The following RNF213 variants were observed in gnomAD, a reference collection of about 807,000 sequenced individuals.
RNF213 encodes the protein E3 ubiquitin-protein ligase RNF213.
Under a neutral mutation model 514.4 loss-of-function variants are expected in RNF213, and 341 were observed. The observed-to-expected ratio is 0.66, with a 90% CI of 0.61 to 0.73. RNF213 has a LOEUF of 0.73. Among genes scored for constraint, RNF213 ranks in the 30% least tolerant of loss-of-function variants. The pLI, the probability that RNF213 is intolerant of heterozygous loss-of-function variation, is 0.00. For missense variants in RNF213, 5,767 were observed against 6,615.6 expected, an observed-to-expected ratio of 0.87 and a Z score of 4.45; for synonymous variants, 2,655 against 2,658.2, an observed-to-expected ratio of 1.00 and a Z score of 0.04.
Position 80,278,896 on chromosome 17 carries a change from G to A in RNF213, c.261+5492G>A, listed in dbSNP as rs150801820. ...GCTTGAGGCCGCCAGCGTGCCTTCT[G>A]CAGACTGTGAGCAGGTAGTCCGAGT... On this transcript the variant is annotated intron_variant, in intron 3 of 67. Transcript: ENST00000582970. 381 of 1,537,158 alleles carry A rather than the reference G, an allele frequency of 2.5e-4. 1 individual carries two copies. The East Asian group carries it at 9.1e-3, about 37-fold the overall frequency.
rs995384130 is a variant in RNF213, at chr17:80,290,791, A to G, written c.1271+63A>G. ...GAAGGCATAGGATGCCCAGCCTGTG[A>G]CACGTAGTTTAAAAAAATTTTGTTT... On this transcript the variant is annotated intron_variant, in intron 7 of 67. Coordinates refer to ENST00000582970, the MANE Select transcript of RNF213 (RefSeq NM_001256071.3). 9 of 1,583,264 alleles carry G rather than the reference A, an allele frequency of 5.7e-6. No individual in the cohort carries two copies. In the African/African-American group the frequency reaches 1.2e-4, roughly 21 times the overall value.
At position 80,385,663 on chromosome 17, in the gene RNF213, GCCT is replaced by G. The variant is rs908306971; in HGVS notation, c.14539+44_14539+46del. 3 of 1,546,068 alleles carry G rather than the reference GCCT, an allele frequency of 1.9e-6. No individual in the cohort carries two copies. In the African/African-American group the frequency reaches 4.1e-5, roughly 21 times the overall value. On this transcript the variant is annotated intron_variant, in intron 61 of 67. Coordinates refer to ENST00000582970, the MANE Select transcript of RNF213 (RefSeq NM_001256071.3). ...CTGTACCACTAAGCGTTCCAGGAGA[GCCT>G]CGTCTGAAAGCTCTTCTCGTCAGCC...
At chr17:80,295,855 A>G in intron 10 of RNF213, 42 bp downstream of exon 10, 1 of 1,608,250 alleles carries the variant, frequency 6.2e-7, no homozygotes, top group East Asian at 2.2e-5. Flanking sequence ...TAGCTATTAT[A>G]ATGATTTTCT....
At chr17:80,304,406 C>T (rs377712934) in intron 11 of RNF213, among the ~76,000 whole-genome samples, 45 of 152,082 alleles carry the variant, frequency 3.0e-4, no homozygotes, top group South Asian at 1.0e-3. Context: ...TTTGGGAGGC[C>T]AAGGCAGGTG....
At chr17:80,376,751 CA>C in intron 52 of RNF213, 130 bp from the exon 53 acceptor site, 1 of 1,116,960 alleles carries the variant, frequency 9.0e-7, no homozygotes. Flanking sequence ...CTGTTTTCTT[CA>C]CAGACAGCTT....
Position 80,369,544 on chromosome 17 carries a change from C to T in RNF213, c.12198C>T (p.Asn4066=), listed in dbSNP as rs994706354. 6.2e-7 allele frequency: 1 copy of T among 1,614,118 alleles called. No homozygotes were observed. The highest frequency in any genetic ancestry group is 8.5e-7 in the Non-Finnish European group (1 of 1,180,026). The change falls in exon 45 of 68, where the codon AAC becomes AAT. Residue 4066 remains asparagine, a synonymous_variant. Transcript: ENST00000582970. ...ATGCCCGCTTCCGGCAGATGTGCAA[C>T]AGTTTCTTCGTAGACCTGGTGTCCA... ...EKHARFRQMC[N]SFFVDLVSTI...
rs765084250 is a variant in RNF213 at position 80,358,316 on chromosome 17, G to A, written c.10891G>A (p.Ala3631Thr). The A allele has an allele frequency of 6.2e-7, 1 of 1,614,098 alleles. No homozygotes were observed. The highest frequency in any genetic ancestry group is 1.1e-5 in the South Asian group (1 of 91,074). The change falls in exon 37 of 68, where the codon GCT (alanine) becomes ACT (threonine). Residue 3631 changes from alanine to threonine, a missense_variant. Around this residue, in one of 13 missense-constraint regions of RNF213, gnomAD observed 919 missense variants for 1,121.0 expected, o/e 0.82. Coordinates refer to ENST00000582970, the MANE Select transcript of RNF213 (RefSeq NM_001256071.3). ...RHTLWKRVQG[A>T]VTPLLASMIS... ...CACCCTCTGGAAGCGGGTCCAAGGTGCTGTCACCCCTCTGCTGGCGAGCAT... is the reference window on the plus strand; with the variant it reads ...CACCCTCTGGAAGCGGGTCCAAGGTACTGTCACCCCTCTGCTGGCGAGCAT...
intron 32 of RNF213, chr17:80,352,086 C>T (rs1568115811): frequency 2.6e-5 from 8 of 305,488 alleles, no homozygotes; most frequent in Non-Finnish European, 1.9e-5. Context: ...ATCCGTTGAC[C>T]TCATGATCCG....
rs764112639 is a variant in RNF213 at position 80,291,706 on chromosome 17, C to T, written c.1350C>T (p.Tyr450=). The change falls in exon 8 of 68, where the codon TAC becomes TAT. Residue 450 remains tyrosine (Y), a synonymous_variant. Transcript: ENST00000582970. Reference sequence around the variant, plus strand: ...AGCACCTAGATAAATACATTCCTTACAAGTACGTCATTTATAATGGGGAAT... The same window carrying T: ...AGCACCTAGATAAATACATTCCTTATAAGTACGTCATTTATAATGGGGAAT... ...SKKHLDKYIP[Y]KYVIYNGESF... is the part of the protein sequence containing the mutation. 1.9e-6 allele frequency: 3 copies of T among 1,614,192 alleles called. No individual in the cohort carries two copies. The highest frequency in any genetic ancestry group is 2.2e-5 in the East Asian group (1 of 44,878).
At chr17:80,376,270 A>G in intron 51 of RNF213, 31 bp from the exon 52 acceptor site, 1 of 1,612,840 alleles carries the variant, frequency 6.2e-7, no homozygotes, top group Non-Finnish European at 8.5e-7. Flanking sequence ...ATTCTTTGAT[A>G]CATCTTAATG....
At chr17:80,335,395 C>T (rs541918121) in intron 22 of RNF213, among the ~76,000 whole-genome samples, 3 of 152,284 alleles carry the variant, frequency 2.0e-5, no homozygotes, top group Non-Finnish European at 4.4e-5. Flanking sequence ...GGGGCCACCA[C>T]CTGCTGGATC....
chr17:80,360,401 C>A, intron 38 of RNF213, 195 bp downstream of exon 38: 1 of 655,020 alleles, frequency 1.5e-6, no homozygotes, highest in Non-Finnish European at 2.7e-6. Flanking sequence ...GAGTGAGAGG[C>A]CCCGGCGGGA....
Position 80,317,232 on chromosome 17 carries a change from C to G in RNF213, c.2856C>G (p.Gly952=), listed in dbSNP as rs373055730. ...LVEIQFPAEH[G]WKESLLGDME... is the part of the protein sequence containing the mutation. ...AAATCCAATTCCCCGCGGAGCATGG[C>G]TGGAAGGAGTCGTTGCTGGGAGACA... is the stretch of plus-strand genomic sequence containing the variant. The change falls in exon 16 of 68, where the codon GGC becomes GGG. Residue 952 remains glycine, a synonymous_variant. Coordinates refer to ENST00000582970, the MANE Select transcript of RNF213 (RefSeq NM_001256071.3). This position sits in a 1 kb window ranked among gnomAD's most constrained non-coding sequence, Gnocchi z 4.1. The G allele has an allele frequency of 2.5e-6, 4 of 1,612,752 alleles. No homozygotes were observed. The highest frequency in any genetic ancestry group is 3.4e-6 in the Non-Finnish European group (4 of 1,179,860).
chr17:80,381,472 A>G (rs1423843600), intron 56 of RNF213, 75 bp from the exon 57 acceptor site: 13 of 1,491,618 alleles, frequency 8.7e-6, no homozygotes, highest in South Asian at 1.1e-5. Context: ...TCCACTCCCA[A>G]TGGCCTCTAC....
rs1464583956 is a variant in RNF213, at chr17:80,332,553, A to G, written c.4065A>G (p.Ala1355=). Residue 1355 remains alanine (A), a synonymous_variant, in exon 21 of 68, where the codon GCA becomes GCG. Transcript: ENST00000582970. ...ATCACCTGCACCAGGCTGTCCACGC[A>G]GCCAAGGTCATCTTGCAGGTCAAAG... ...EYHHLHQAVH[A]AKVILQVKES... 1 of 1,535,114 alleles carries G rather than the reference A, an allele frequency of 6.5e-7. No individual in the cohort carries two copies. Among genetic ancestry groups the G allele is most frequent in the African/African-American group, 1.4e-5 (1 of 72,962 alleles).
chr17:80,280,175 C>T (rs2044209414), intron 3 of RNF213, among the ~76,000 whole-genome samples: 1 of 152,202 alleles, frequency 6.6e-6, no homozygotes, highest in Admixed American at 6.5e-5. Context: ...CTGGACTTAG[C>T]CAGACCTAAG....
chr17:80,281,481 C>T (rs1308712834), intron 3 of RNF213, among the ~76,000 whole-genome samples: 5 of 125,990 alleles, frequency 4.0e-5, no homozygotes, highest in Admixed American at 8.1e-5. Context: ...CACACACCCC[C>T]CAACATACAT....
At chr17:80,382,813 T>A (rs1321680412) in intron 57 of RNF213, 166 bp from the exon 58 acceptor site, 3 of 612,436 alleles carry the variant, frequency 4.9e-6, no homozygotes, top group East Asian at 3.0e-5. Flanking sequence ...GGTCATTAAG[T>A]TGGTGGTAAC....
chr17:80,323,837 G>GT (rs2046209147), intron 17 of RNF213, among the ~76,000 whole-genome samples: 1 of 139,632 alleles, frequency 7.2e-6, no homozygotes, highest in Admixed American at 7.0e-5. Flanking sequence ...TTTTTTTTGG[G>GT]GGGGGGTGCT....
Sources: gnomAD v4.1 joint callset for allele counts (sites outside exome capture counted in the v4.1 genomes callset) on GRCh38, gnomAD v4.1.1 for gene constraint, gnomAD v4.1.1 regional missense constraint, Gnocchi (gnomAD v3.1) non-coding constraint, MANE v1.5 for transcripts, NCBI Gene and HGNC (gene_info 2026-07-23, HGNC 2026-07-21) for gene names.